SUMF1: variants seen among roughly 807,000 people sequenced by gnomAD.
SUMF1 encodes the protein formylglycine-generating enzyme.
SUMF1 carries 48 observed loss-of-function variants against 47.6 expected under a neutral mutation model. The ratio of observed to expected loss-of-function variants is 1.01; its 90% CI spans 0.80 to 1.28. The LOEUF is 1.28. Among genes scored for constraint, SUMF1 ranks in the 50% most tolerant of loss-of-function variants. SUMF1 has a pLI of 0.00. For missense variants in SUMF1, 571 were observed against 485.4 expected, an observed-to-expected ratio of 1.18 and a Z score of -1.66; for synonymous variants, 230 against 192.1, an observed-to-expected ratio of 1.20 and a Z score of -1.63.
intron 8 of SUMF1, among the ~76,000 whole-genome samples, chr3:4,160,983 A>T (rs1445441355): frequency 1.3e-5 from 2 of 152,124 alleles, no homozygotes. Context: ...CTTTCCAGGT[A>T]TTCAAAAGAA....
chr3:4,335,035 C>G (rs1453589465), intron 8 of SUMF1, among the ~76,000 whole-genome samples: 1 of 152,086 alleles, frequency 6.6e-6, no homozygotes, highest in Non-Finnish European at 1.5e-5. Flanking sequence ...TTTTCTTAAC[C>G]AGCCAGGGAT....
chr3:4,448,320 A>G (rs1392553070), intron 3 of SUMF1, among the ~76,000 whole-genome samples: 1 of 152,144 alleles, frequency 6.6e-6, no homozygotes, highest in Admixed American at 6.5e-5. Context: ...TCACGAGAGG[A>G]CAGAGTGAGG....
chr3:4,201,967 ATTGAG>A (rs1189345894), intron 8 of SUMF1, among the ~76,000 whole-genome samples: 3 of 151,792 alleles, frequency 2.0e-5, no homozygotes, highest in Non-Finnish European at 2.9e-5. Context: ...TTTTTTTCCT[ATTGAG>A]TTGTTTCAGC....
chr3:4,375,103 C>G (rs1354145708), intron 8 of SUMF1, among the ~76,000 whole-genome samples: 1 of 141,420 alleles, frequency 7.1e-6, no homozygotes, highest in Middle Eastern at 3.6e-3. Flanking sequence ...GCCACTGCAC[C>G]TCAGTCTGGG....
In SUMF1 at chr3:4,206,809, C is replaced by CT. The variant is rs900519952; in HGVS notation, c.1015-138065dup. On this transcript the variant is annotated intron_variant and NMD_transcript_variant, in intron 8 of 12. Transcript: ENST00000448413. ...CATCTTGCTCCACCTCTCCCCCATT[C>CT]TTTTTTTTTTAAATTTTGTTTATTC... Among the ~76,000 whole-genome samples, 59 of 149,152 alleles carry CT rather than the reference C, an allele frequency of 4.0e-4. 4 individuals carry two copies. Among genetic ancestry groups the CT allele is most frequent in the African/African-American group, 9.8e-4 (40 of 40,820 alleles).
chr3:4,049,916 T>C (rs1264921406), intron 9 of SUMF1, among the ~76,000 whole-genome samples: 1 of 152,010 alleles, frequency 6.6e-6, no homozygotes, highest in Non-Finnish European at 1.5e-5. Context: ...GGAAGGGGGA[T>C]GGAGTGGGAA....
At chr3:4,192,424 G>A (rs1056748519) in intron 8 of SUMF1, among the ~76,000 whole-genome samples, 1 of 151,758 alleles carries the variant, frequency 6.6e-6, no homozygotes, top group Non-Finnish European at 1.5e-5. Flanking sequence ...ATGGTTAATA[G>A]TCCTTTAGTA....
intron 8 of SUMF1, among the ~76,000 whole-genome samples, chr3:4,106,521 G>C (rs1693161999): frequency 6.6e-6 from 1 of 152,062 alleles, no homozygotes; most frequent in Non-Finnish European, 1.5e-5. Flanking sequence ...CAATATAACA[G>C]ATAGGAAATT....
intron 8 of SUMF1, among the ~76,000 whole-genome samples, chr3:4,267,576 G>A (rs1298926391): frequency 6.6e-6 from 1 of 152,006 alleles, no homozygotes; most frequent in African/African-American, 2.4e-5. Flanking sequence ...GTGGGCGAAG[G>A]ACATGAACAG....
chr3:4,425,305 C>T (rs1702033409), intron 3 of SUMF1, among the ~76,000 whole-genome samples: 1 of 152,146 alleles, frequency 6.6e-6, no homozygotes, highest in Non-Finnish European at 1.5e-5. Context: ...ATAATACTAT[C>T]TACTTCCTGG....
intron 7 of SUMF1, among the ~76,000 whole-genome samples, chr3:4,398,525 G>T (rs1209283729): frequency 6.6e-6 from 1 of 152,140 alleles, no homozygotes; most frequent in Non-Finnish European, 1.5e-5. Context: ...CTATGACATG[G>T]GGAAGTCACT....
At chr3:4,378,050 G>A (rs1700384976) in intron 7 of SUMF1, among the ~76,000 whole-genome samples, 1 of 152,124 alleles carries the variant, frequency 6.6e-6, no homozygotes, top group Admixed American at 6.5e-5. Context: ...GCATTTCCAG[G>A]TACAGATGCT....
intron 7 of SUMF1, among the ~76,000 whole-genome samples, chr3:4,382,981 G>A (rs1559261988): frequency 6.6e-6 from 1 of 151,988 alleles, no homozygotes; most frequent in East Asian, 1.9e-4. Context: ...GTGACGGGTT[G>A]ATGGGTGCAG....
Position 4,367,183 on chromosome 3 carries a change from T to A in SUMF1, c.1015-4929A>T, listed in dbSNP as rs565212380. ...GGGGGTCAGGGGTCAGGGACCCACTTGAGGAGGCAGTCTGCCCATTCTCAG... is the reference window on the plus strand; with the variant it reads ...GGGGGTCAGGGGTCAGGGACCCACTAGAGGAGGCAGTCTGCCCATTCTCAG... On this transcript the variant is annotated intron_variant, in intron 8 of 8. Transcript: ENST00000272902. Among the ~76,000 whole-genome samples the A allele has an allele frequency of 4.6e-5, 7 of 152,136 alleles. No homozygotes were observed. In the East Asian group the frequency reaches 7.7e-4, roughly 17 times the overall value.
Position 4,140,882 on chromosome 3 carries a change from AGTAATCT to A in SUMF1, c.1015-72144_1015-72138del, listed in dbSNP as rs1365823024. Among the ~76,000 whole-genome samples, 12 of 152,284 alleles carry A rather than the reference AGTAATCT, an allele frequency of 7.9e-5. 1 individual carries two copies. The highest frequency in any genetic ancestry group is 7.8e-4 in the Admixed American group (12 of 15,294). ...AACCTCTCAAGGAATTGAGATTATT[AGTAATCT>A]GTAAAGATTAAAGTCAAGGAAACAT... On this transcript the variant is annotated intron_variant and NMD_transcript_variant, in intron 8 of 12. Coordinates refer to the SUMF1 transcript ENST00000448413.
intron 9 of SUMF1, among the ~76,000 whole-genome samples, chr3:4,051,652 G>T (rs1322210728): frequency 6.6e-6 from 1 of 152,116 alleles, no homozygotes; most frequent in African/African-American, 2.4e-5. Context: ...ATCTTTGACA[G>T]TCCTCAAGGA....
At chr3:4,346,801 GAA>G (rs556009303) in intron 8 of SUMF1, among the ~76,000 whole-genome samples, 107 of 152,104 alleles carry the variant, frequency 7.0e-4, no homozygotes, top group South Asian at 3.7e-3. Flanking sequence ...TAATAAAGAA[GAA>G]GAGAGAGAAG....
chr3:4,184,130 G>T (rs1695150900), intron 8 of SUMF1, among the ~76,000 whole-genome samples: 1 of 150,168 alleles, frequency 6.7e-6, no homozygotes. Flanking sequence ...ATGTGACCCT[G>T]TCTCGAAAAA....
At chr3:4,105,043 C>A (rs1693126562) in intron 8 of SUMF1, among the ~76,000 whole-genome samples, 1 of 152,080 alleles carries the variant, frequency 6.6e-6, no homozygotes, top group Non-Finnish European at 1.5e-5. Flanking sequence ...TATTATTAAG[C>A]TTTTGTTTTT....
Sources: allele counts gnomAD v4.1 joint callset (sites outside exome capture counted in the v4.1 genomes callset), GRCh38; gene constraint gnomAD v4.1.1; transcripts MANE v1.5; gene names NCBI Gene and HGNC (gene_info 2026-07-23, HGNC 2026-07-21).